RNASE4: variants seen among roughly 807,000 people sequenced by gnomAD.
RNASE4 encodes ribonuclease A family member 4.
For missense variants in RNASE4, 194 were observed against 192.8 expected, an observed-to-expected ratio of 1.01 and a Z score of -0.04; for synonymous variants, 93 against 71.4, an observed-to-expected ratio of 1.30 and a Z score of -1.52.
chr14:20,690,005 G>T (rs1886640183), intron 1 of RNASE4, among the ~76,000 whole-genome samples: 1 of 148,246 alleles, frequency 6.7e-6, no homozygotes, highest in Admixed American at 6.7e-5. Context: ...CATGAGGTCA[G>T]GAGATCGAGA....
rs368734981 is a variant in RNASE4 at position 20,691,465 on chromosome 14, G to A, written c.-18+6707G>A. ...AAAGCATGATGTAAATGTGAAGAAC[G>A]TGGCAAGTGGGTGGCTTGGCAGCCC... is the stretch of plus-strand genomic sequence containing the variant. On this transcript the variant is annotated intron_variant, in intron 1 of 1. Coordinates refer to ENST00000555835, the MANE Select transcript of RNASE4 (RefSeq NM_002937.5). 7.9e-5 allele frequency among the ~76,000 whole-genome samples: 12 copies of A among 152,346 alleles called. No homozygotes were observed. The South Asian group carries it at 2.5e-3, about 32-fold the overall frequency.
chr14:20,689,181 C>G (rs1235372198), intron 1 of RNASE4, among the ~76,000 whole-genome samples: 1 of 152,174 alleles, frequency 6.6e-6, no homozygotes, highest in Non-Finnish European at 1.5e-5. Flanking sequence ...TCGTCCACCC[C>G]TGTTACAGGC....
rs1191887732 is a variant in RNASE4, at chr14:20,699,482, G to A, written c.111G>A (p.Leu37=). 6.2e-7 allele frequency: 1 copy of A among 1,613,968 alleles called. No individual in the cohort carries two copies. Among genetic ancestry groups the A allele is most frequent in the African/African-American group, 1.3e-5 (1 of 74,926 alleles). ...YGQDGMYQRF[L]RQHVHPEETG... is the part of the protein sequence containing the mutation. Reference sequence around the variant, plus strand: ...AGGATGGCATGTACCAGCGATTCCTGCGGCAACACGTGCACCCTGAGGAGA... The same window carrying A: ...AGGATGGCATGTACCAGCGATTCCTACGGCAACACGTGCACCCTGAGGAGA... Residue 37 remains leucine (L), a synonymous_variant, in exon 2 of 2, where the codon CTG becomes CTA. Coordinates refer to ENST00000555835, the MANE Select transcript of RNASE4 (RefSeq NM_002937.5).
At chr14:20,695,827 G>A (rs1302354228) in intron 1 of RNASE4, among the ~76,000 whole-genome samples, 2 of 152,256 alleles carry the variant, frequency 1.3e-5, no homozygotes, top group African/African-American at 4.8e-5. Flanking sequence ...TGAGAAGTAG[G>A]TAGCTGGTAT....
intron 1 of RNASE4, among the ~76,000 whole-genome samples, chr14:20,692,491 A>G (rs1886813745): frequency 6.6e-6 from 1 of 152,238 alleles, no homozygotes; most frequent in Non-Finnish European, 1.5e-5. Flanking sequence ...CTGTCCGCCT[A>G]AGCTCTGCCT....
intron 1 of RNASE4, chr14:20,693,894 T>A (rs11701): frequency 1.2e-6 from 2 of 1,614,028 alleles, no homozygotes; most frequent in African/African-American, 1.3e-5. Context: ...TACATGGAGG[T>A]TCCCCCTGGC....
chr14:20,687,603 A>G (rs1227747333), intron 1 of RNASE4, among the ~76,000 whole-genome samples: 1 of 152,200 alleles, frequency 6.6e-6, no homozygotes, highest in Admixed American at 6.5e-5. Flanking sequence ...GAAGGGTTCA[A>G]AGTCTGACTC....
intron 1 of RNASE4, chr14:20,694,133 T>C: frequency 9.5e-7 from 1 of 1,049,458 alleles, no homozygotes; most frequent in Non-Finnish European, 1.5e-6. Flanking sequence ...GGACCTTTTG[T>C]TTTCTGTTTG....
rs567201782 is a variant in RNASE4 at position 20,693,042 on chromosome 14, T to A, written c.-17-6313T>A. 8.1e-3 allele frequency among the ~76,000 whole-genome samples: 1,232 copies of A among 151,410 alleles called. 10 individuals are homozygous for A. The highest frequency in any genetic ancestry group is 0.014 in the Non-Finnish European group (920 of 67,878). ...TTTTGTATTTTTAGTAGAGACGGGG[T>A]TTCACCGTGGTAGCCAGGATGGTCT... On this transcript the variant is annotated intron_variant, in intron 1 of 1. Transcript: ENST00000555835.
Position 20,700,018 on chromosome 14 carries a change from C to G in RNASE4, c.*203C>G. On this transcript the variant is annotated 3_prime_UTR_variant, in exon 2 of 2. Coordinates refer to ENST00000555835, the MANE Select transcript of RNASE4 (RefSeq NM_002937.5). ...CTGTAATGAATGAGGCTGGGCTTTT[C>G]TGTAATAAGCTTCCTTTTATAATAC... 1 of 583,750 alleles carries G rather than the reference C, an allele frequency of 1.7e-6. No homozygotes were observed. The highest frequency in any genetic ancestry group is 3.1e-6 in the Non-Finnish European group (1 of 321,726). 36.2% of individuals were successfully genotyped at this position (583,750 alleles called of 1,614,324 possible). A position where few individuals can be genotyped will look rare whatever the true frequency, so the allele number is the denominator to read the frequency against.
At chr14:20,693,065 T>A (rs569346622) in intron 1 of RNASE4, among the ~76,000 whole-genome samples, 1 of 151,702 alleles carries the variant, frequency 6.6e-6, no homozygotes, top group Non-Finnish European at 1.5e-5. Context: ...GCCAGGATGG[T>A]CTCGATCTCC....
Position 20,700,047 on chromosome 14 carries a change from T to A in RNASE4, c.*232T>A. On this transcript the variant is annotated 3_prime_UTR_variant, in exon 2 of 2. Transcript: ENST00000555835. ...AATAAGCTTCCTTTTATAATACTGGTCAGCTTAGCTCTCTCAGATCCTATC... is the reference window on the plus strand; with the variant it reads ...AATAAGCTTCCTTTTATAATACTGGACAGCTTAGCTCTCTCAGATCCTATC... The A allele has an allele frequency of 1.8e-6, 1 of 543,864 alleles. No individual in the cohort carries two copies. Among genetic ancestry groups the A allele is most frequent in the Non-Finnish European group, 3.4e-6 (1 of 296,848 alleles). The allele number at this position is 543,864 out of a possible 1,614,324, so 33.7% of individuals were successfully genotyped here. A position where few individuals can be genotyped will look rare whatever the true frequency, so the allele number is the denominator to read the frequency against.
intron 1 of RNASE4, among the ~76,000 whole-genome samples, chr14:20,692,373 A>G (rs1886804635): frequency 6.6e-6 from 1 of 152,216 alleles, no homozygotes; most frequent in Non-Finnish European, 1.5e-5. Flanking sequence ...CTTTCTTCAC[A>G]TTAGCTGACT....
intron 1 of RNASE4, among the ~76,000 whole-genome samples, chr14:20,692,983 G>A (rs917476378): frequency 6.6e-5 from 10 of 151,584 alleles, no homozygotes; most frequent in South Asian, 2.1e-4. Flanking sequence ...GAGTAGCTGG[G>A]ACTACAGGCG....
At chr14:20,698,668 G>T (rs1175982918) in intron 1 of RNASE4, among the ~76,000 whole-genome samples, 1 of 151,630 alleles carries the variant, frequency 6.6e-6, no homozygotes, top group Non-Finnish European at 1.5e-5. Flanking sequence ...TTTTACATTA[G>T]AATTAGAATA....
intron 1 of RNASE4, among the ~76,000 whole-genome samples, chr14:20,698,234 G>A (rs1249158789): frequency 6.6e-6 from 1 of 151,772 alleles, no homozygotes; most frequent in African/African-American, 2.4e-5. Context: ...GCCAAGAGGT[G>A]ACAACACAAT....
At position 20,696,731 on chromosome 14, in the gene RNASE4, T is replaced by TA. The variant is rs34394955; in HGVS notation, c.-17-2611dup. ...AGGAAACCAAGAAAAATGGAAGTGG[T>TA]AAAAAAAAAAAAATGCAGTAATTGC... On this transcript the variant is annotated intron_variant, in intron 1 of 1. Coordinates refer to ENST00000555835, the MANE Select transcript of RNASE4 (RefSeq NM_002937.5). Among the ~76,000 whole-genome samples the TA allele has an allele frequency of 2.3e-3, 331 of 144,942 alleles. 1 individual carries two copies. Among genetic ancestry groups the TA allele is most frequent in the African/African-American group, 4.3e-3 (169 of 39,668 alleles).
In RNASE4 at chr14:20,694,038, T is replaced by C. The variant is rs768490521; in HGVS notation, c.-17-5317T>C. ...CGGGCCCCTGGTCAAGTGCTGGCTC[T>C]GCTGTCCTTGCCTTCCATTTCCCCT... On this transcript the variant is annotated intron_variant, in intron 1 of 1. Transcript: ENST00000555835. The C allele has an allele frequency of 2.5e-6, 4 of 1,612,236 alleles. No individual in the cohort carries two copies. The East Asian group carries it at 8.9e-5, about 36-fold the overall frequency.
chr14:20,694,145 C>T, intron 1 of RNASE4: 1 of 908,622 alleles, frequency 1.1e-6, no homozygotes, highest in South Asian at 1.4e-5. Flanking sequence ...TTCTGTTTGA[C>T]AACATGTTTA....
Sources: allele counts gnomAD v4.1 joint callset (sites outside exome capture counted in the v4.1 genomes callset), GRCh38; gene constraint gnomAD v4.1.1; transcripts MANE v1.5; gene names NCBI Gene and HGNC (gene_info 2026-07-23, HGNC 2026-07-21).